SCARB2: variants seen among roughly 807,000 people sequenced by gnomAD.
SCARB2 encodes scavenger receptor class B member 2.
A neutral mutation model predicts 58.6 loss-of-function variants in SCARB2; 29 were observed. The observed-to-expected ratio is 0.49, with a 90% confidence interval of 0.37 to 0.67. The LOEUF is 0.67. SCARB2 is among the 30% of genes least tolerant of loss of function. The pLI, the probability that SCARB2 is intolerant of heterozygous loss-of-function variation, is 0.00. For missense variants in SCARB2, 488 were observed against 578.5 expected, an observed-to-expected ratio of 0.84 and a Z score of 1.60; for synonymous variants, 195 against 210.1, an observed-to-expected ratio of 0.93 and a Z score of 0.62.
upstream of SCARB2, chr4:76,214,342 T>A (rs1385662268): frequency 6.6e-6 from 3 of 453,756 alleles, no homozygotes; most frequent in Non-Finnish European, 1.3e-5. Flanking sequence ...GGGGGATGCA[T>A]AAGTTTGTCA....
intron 1 of SCARB2, among the ~76,000 whole-genome samples, chr4:76,226,805 G>A (rs1032462107): frequency 9.9e-5 from 15 of 152,080 alleles, no homozygotes; most frequent in African/African-American, 3.4e-4. Context: ...TCTAGTTTGT[G>A]TGAATAAAAG....
At chr4:76,212,183 G>T (rs1050867592) in intron 1 of SCARB2, among the ~76,000 whole-genome samples, 1 of 152,150 alleles carries the variant, frequency 6.6e-6, no homozygotes, top group Non-Finnish European at 1.5e-5. Context: ...AGCTCACCAT[G>T]GATTTGGACA....
chr4:76,231,782 A>G (rs1398616513), intron 1 of SCARB2, among the ~76,000 whole-genome samples: 1 of 152,160 alleles, frequency 6.6e-6, no homozygotes, highest in Non-Finnish European at 1.5e-5. Context: ...TCCAAGATAA[A>G]CTTGGAGTTC....
chr4:76,210,018 T>C (rs1367567056), intron 1 of SCARB2, among the ~76,000 whole-genome samples: 3 of 152,218 alleles, frequency 2.0e-5, no homozygotes, highest in African/African-American at 7.2e-5. Flanking sequence ...TAGCTGCTCT[T>C]AAAGGTCATG....
In SCARB2 at chr4:76,213,802, C is replaced by G. The variant is rs1413937298; in HGVS notation, c.-259G>C. The G allele has an allele frequency of 5.4e-6, 2 of 369,024 alleles. No homozygotes were observed. The highest frequency in any genetic ancestry group is 5.2e-5 in the Admixed American group (1 of 19,216). 22.9% of individuals were successfully genotyped at this position (369,024 alleles called of 1,614,324 possible). A position where few individuals can be genotyped will look rare whatever the true frequency, so the allele number is the denominator to read the frequency against. On this transcript the variant is annotated 5_prime_UTR_variant, in exon 1 of 12. Coordinates refer to ENST00000264896, the MANE Select transcript of SCARB2 (RefSeq NM_005506.4). ...TCCTTCGCCGGGCAGCCGTGGCGCC[C>G]GCCTAGCGCAGCTCGGGAGAGTGCA...
In SCARB2 at chr4:76,181,108, G is replaced by T. The variant is rs200507087; in HGVS notation, c.276-7C>A. 6.2e-7 allele frequency: 1 copy of T among 1,612,684 alleles called. No individual in the cohort carries two copies. The highest frequency in any genetic ancestry group is 8.5e-7 in the Non-Finnish European group (1 of 1,179,474). On this transcript the variant is annotated splice_region_variant and splice_polypyrimidine_tract_variant and intron_variant, in intron 2 of 11. Coordinates refer to ENST00000264896, the MANE Select transcript of SCARB2 (RefSeq NM_005506.4). ...TGCTTTGTTTCTGAGTTCCCTAAAA[G>T]AAAGAAAAGGGTTTTATTTGAAAAT...
intron 6 of SCARB2, chr4:76,174,901 CAT>C (rs1213554701): frequency 6.2e-6 from 1 of 161,620 alleles, no homozygotes; most frequent in Non-Finnish European, 1.4e-5. Context: ...TGATTTCAAA[CAT>C]AGTCCCATGT....
intron 1 of SCARB2, among the ~76,000 whole-genome samples, chr4:76,228,884 G>A (rs1733445946): frequency 6.6e-6 from 1 of 151,902 alleles, no homozygotes; most frequent in African/African-American, 2.4e-5. Flanking sequence ...TCTTGTATTT[G>A]GATATCTAGA....
rs6818936 is a variant in SCARB2, at chr4:76,226,476, T to C, written c.-358+7827A>G. On this transcript the variant is annotated intron_variant, in intron 1 of 11. Transcript: ENST00000638295. ...ATTCCAGAGGCTAAGAGGGGTTTTA[T>C]GCCCTGAGCCCTGGATTCCATCCAA... is the stretch of plus-strand genomic sequence containing the variant. Among the ~76,000 whole-genome samples the C allele has an allele frequency of 1.8e-3, 274 of 152,294 alleles. 1 individual carries two copies. The highest frequency in any genetic ancestry group is 6.8e-3 in the Middle Eastern group (2 of 294).
At chr4:76,213,249 T>A (rs1733099461) in intron 1 of SCARB2, 178 bp downstream of exon 1, 4 of 664,036 alleles carry the variant, frequency 6.0e-6, no homozygotes, top group African/African-American at 1.8e-5. Context: ...GTCGGCTCCA[T>A]CCTTCCTCAT....
chr4:76,169,833 T>A (rs779651612), intron 8 of SCARB2, 34 bp downstream of exon 8: 33 of 1,483,512 alleles, frequency 2.2e-5, no homozygotes, highest in Non-Finnish European at 2.8e-5. Context: ...GAATAAAACA[T>A]ATGCTCTTTT....
chr4:76,232,038 A>G (rs987140761), intron 1 of SCARB2, among the ~76,000 whole-genome samples: 12 of 152,248 alleles, frequency 7.9e-5, no homozygotes, highest in Admixed American at 5.2e-4. Context: ...CTATATTGCC[A>G]TAAGTTATGA....
intron 2 of SCARB2, among the ~76,000 whole-genome samples, chr4:76,188,128 T>G (rs3866354): frequency 0.11 from 16,701 of 152,158 alleles, 1,132 homozygotes; most frequent in East Asian, 0.21. Flanking sequence ...CTTTTTTAAT[T>G]CTTGAAATGT....
At chr4:76,228,098 T>TTC (rs1275082590) in intron 1 of SCARB2, among the ~76,000 whole-genome samples, 1 of 151,856 alleles carries the variant, frequency 6.6e-6, no homozygotes, top group Admixed American at 6.6e-5. Flanking sequence ...ACCTTTTTTT[T>TTC]TCATTGTGTT....
intron 11 of SCARB2, 40 bp from the exon 12 acceptor site, chr4:76,161,791 T>C (rs1731904403): frequency 6.2e-7 from 1 of 1,608,842 alleles, no homozygotes; most frequent in African/African-American, 1.3e-5. Context: ...GATGTTCATG[T>C]CAGAAACTTC....
intron 8 of SCARB2, among the ~76,000 whole-genome samples, chr4:76,169,102 C>T (rs987887840): frequency 1.2e-4 from 19 of 152,132 alleles, no homozygotes; most frequent in Admixed American, 7.9e-4. Context: ...AAACCACACA[C>T]GATTTTATTC....
chr4:76,174,309 C>T lies in SCARB2; in HGVS notation c.829G>A (p.Val277Met), dbSNP rs748596577. 5.0e-6 allele frequency: 8 copies of T among 1,614,056 alleles called. No individual in the cohort carries two copies. The highest frequency in any genetic ancestry group is 6.8e-6 in the Non-Finnish European group (8 of 1,179,912). Residue 277 changes from valine to methionine, a missense_variant, in exon 7 of 12, where the codon GTG becomes ATG. Val to Met is a conservative substitution (Grantham distance 21). Coordinates refer to ENST00000264896, the MANE Select transcript of SCARB2 (RefSeq NM_005506.4). ...YVFPSDFCRS[V>M]YITFSDYESV... ...TCATAGTCACTGAAAGTAATATACA[C>T]TGACCTGTTAGGATGTAAGAATAAA...
chr4:76,183,656 T>C (rs1437224472), intron 2 of SCARB2, among the ~76,000 whole-genome samples: 5 of 152,202 alleles, frequency 3.3e-5, no homozygotes, highest in African/African-American at 9.6e-5. Flanking sequence ...CTACATTACA[T>C]AGGCATGATT....
At chr4:76,201,645 A>G (rs1426850010) in intron 1 of SCARB2, among the ~76,000 whole-genome samples, 1 of 152,246 alleles carries the variant, frequency 6.6e-6, no homozygotes, top group East Asian at 1.9e-4. Flanking sequence ...AAGAGACAGT[A>G]ACTTTCTTAG....
Sources: gnomAD v4.1 joint callset for allele counts (sites outside exome capture counted in the v4.1 genomes callset) on GRCh38, gnomAD v4.1.1 for gene constraint, MANE v1.5 for transcripts, NCBI Gene and HGNC (gene_info 2026-07-23, HGNC 2026-07-21) for gene names.